Variants in CFAP299 observed in about 807,000 individuals in gnomAD.
CFAP299 encodes the protein cilia- and flagella-associated protein 299.
CFAP299 carries 21 observed loss-of-function variants against 27.0 expected under a neutral mutation model. The ratio of observed to expected loss-of-function variants is 0.78; its 90% CI spans 0.55 to 1.12. The LOEUF is 1.12. Ranked by LOEUF, CFAP299 falls within the 50% of genes most tolerant of loss-of-function variation. The probability of loss-of-function intolerance (pLI) is 0.00; values close to 1 mark genes in which losing one functional copy is unlikely to be tolerated. For synonymous variants in CFAP299, 104 were observed against 98.1 expected (o/e 1.06, Z -0.36); for missense variants, 310 against 276.6 (o/e 1.12, Z -0.86).
At chr4:80,349,847 A>G (rs1339426924) in intron 1 of CFAP299, among the ~76,000 whole-genome samples, 3 of 152,202 alleles carry the variant, frequency 2.0e-5, no homozygotes, top group Non-Finnish European at 4.4e-5. Flanking sequence ...TGCTACTACT[A>G]GTAATGTTTT....
chr4:80,624,914 A>G (rs980232879), intron 3 of CFAP299, among the ~76,000 whole-genome samples: 7 of 152,134 alleles, frequency 4.6e-5, no homozygotes, highest in African/African-American at 1.7e-4. Flanking sequence ...ATGAAGGAGG[A>G]ATAAAGACTT....
intron 3 of CFAP299, among the ~76,000 whole-genome samples, chr4:80,610,165 T>A (rs1737892203): frequency 6.6e-6 from 1 of 151,608 alleles, no homozygotes; most frequent in Non-Finnish European, 1.5e-5. Flanking sequence ...TTCTTTCTGA[T>A]CACTTTAATA....
At chr4:80,815,196 A>G (rs1029871584) in intron 3 of CFAP299, among the ~76,000 whole-genome samples, 14 of 152,038 alleles carry the variant, frequency 9.2e-5, no homozygotes, top group Non-Finnish European at 1.8e-4. Flanking sequence ...TACAAGTACT[A>G]CTGTTTGTCC....
At chr4:80,647,630 T>C (rs1263276175) in intron 3 of CFAP299, among the ~76,000 whole-genome samples, 1 of 152,194 alleles carries the variant, frequency 6.6e-6, no homozygotes, top group African/African-American at 2.4e-5. Context: ...CTGCCTTTTT[T>C]AGTTGTGGTG....
chr4:80,613,248 A>G (rs1738093045), intron 3 of CFAP299, among the ~76,000 whole-genome samples: 1 of 152,134 alleles, frequency 6.6e-6, no homozygotes, highest in Non-Finnish European at 1.5e-5. Flanking sequence ...AGGAAGTAGA[A>G]AATTCATTTT....
intron 3 of CFAP299, chr4:80,648,815 A>C (rs1251214819): frequency 6.6e-6 from 1 of 152,180 alleles, no homozygotes; most frequent in Non-Finnish European, 1.5e-5. Flanking sequence ...ATTCTAAAGC[A>C]TATTTTAATA....
chr4:80,532,606 A>C (rs77687250), intron 2 of CFAP299, among the ~76,000 whole-genome samples: 1 of 152,320 alleles, frequency 6.6e-6, no homozygotes, highest in African/African-American at 2.4e-5. Flanking sequence ...TTTTCTCATT[A>C]ATTAGTGAGG....
At chr4:80,899,981 T>C (rs72661737) in intron 4 of CFAP299, among the ~76,000 whole-genome samples, 1,672 of 152,116 alleles carry the variant, frequency 0.011, 21 homozygotes, top group Non-Finnish European at 0.017. Context: ...ATAAGAACAG[T>C]TTCAGTCAAG....
intron 2 of CFAP299, among the ~76,000 whole-genome samples, chr4:80,479,322 C>T (rs1480597198): frequency 1.3e-5 from 2 of 151,850 alleles, no homozygotes; most frequent in African/African-American, 2.4e-5. Context: ...ATTAAGTTTA[C>T]AAAGAAAATT....
intron 2 of CFAP299, among the ~76,000 whole-genome samples, chr4:80,500,984 G>A (rs1731712765): frequency 6.6e-6 from 1 of 152,002 alleles, no homozygotes; most frequent in Admixed American, 6.6e-5. Flanking sequence ...AACAAAACGT[G>A]GATAAGTAAC....
chr4:80,848,401 G>A (rs1383391628), intron 3 of CFAP299, among the ~76,000 whole-genome samples: 1 of 152,010 alleles, frequency 6.6e-6, no homozygotes, highest in Non-Finnish European at 1.5e-5. Context: ...AAACCTAGAC[G>A]CCTATTGCTT....
intron 3 of CFAP299, among the ~76,000 whole-genome samples, chr4:80,760,517 G>A (rs1183626811): frequency 6.6e-6 from 1 of 152,186 alleles, no homozygotes; most frequent in Non-Finnish European, 1.5e-5. Flanking sequence ...CAGGGAATGA[G>A]ATCCTGAGAA....
At chr4:80,796,437 G>C (rs567522898) in intron 3 of CFAP299, among the ~76,000 whole-genome samples, 1 of 152,196 alleles carries the variant, frequency 6.6e-6, no homozygotes, top group African/African-American at 2.4e-5. Flanking sequence ...GAAGTGAAAA[G>C]TGATCACGCT....
At chr4:80,564,953 G>T (rs925281544) in intron 2 of CFAP299, among the ~76,000 whole-genome samples, 9 of 151,882 alleles carry the variant, frequency 5.9e-5, no homozygotes, top group African/African-American at 2.2e-4. Flanking sequence ...CTTTACAAAA[G>T]AAGTGAAAAA....
intron 3 of CFAP299, among the ~76,000 whole-genome samples, chr4:80,796,888 A>G (rs1193461971): frequency 3.3e-5 from 5 of 152,156 alleles, no homozygotes; most frequent in Admixed American, 3.3e-4. Flanking sequence ...CCAGTTAGGG[A>G]ACCAATGTGG....
At chr4:80,424,190 T>C (rs1461276255) in intron 2 of CFAP299, among the ~76,000 whole-genome samples, 1 of 152,212 alleles carries the variant, frequency 6.6e-6, no homozygotes. Flanking sequence ...AATTCTTTGC[T>C]TCAGTGGCAC....
intron 3 of CFAP299, among the ~76,000 whole-genome samples, chr4:80,729,423 A>G (rs558862116): frequency 1.7e-4 from 26 of 152,130 alleles, no homozygotes; most frequent in Admixed American, 1.1e-3. Context: ...CATATAGATT[A>G]TGGGAGAAAT....
At position 80,696,824 on chromosome 4, in the gene CFAP299, A is replaced by G. The variant is rs565898788; in HGVS notation, c.333+113641A>G. ...AAGGTGTCTAAAGAATACTAAGTCCAATGTGCTTGGACAGTGATGCATGCT... is the reference window on the plus strand; with the variant it reads ...AAGGTGTCTAAAGAATACTAAGTCCGATGTGCTTGGACAGTGATGCATGCT... On this transcript the variant is annotated intron_variant, in intron 3 of 5. Transcript: ENST00000358105. 2.0e-5 allele frequency among the ~76,000 whole-genome samples: 3 copies of G among 152,302 alleles called. No homozygotes were observed. In the South Asian group the frequency reaches 6.2e-4, roughly 32 times the overall value.
intron 5 of CFAP299, among the ~76,000 whole-genome samples, chr4:80,947,819 G>T (rs142087741): frequency 8.3e-4 from 127 of 152,178 alleles, no homozygotes; most frequent in African/African-American, 2.3e-3. Flanking sequence ...TTTCTTCAAA[G>T]ATCCAAGATC....
Sources: allele counts gnomAD v4.1 joint callset (sites outside exome capture counted in the v4.1 genomes callset), GRCh38; gene constraint gnomAD v4.1.1; transcripts MANE v1.5; gene names NCBI Gene and HGNC (gene_info 2026-07-23, HGNC 2026-07-21).